Variants in MAP1S observed in about 807,000 individuals in gnomAD.
MAP1S encodes the protein microtubule-associated protein 1S.
Under a neutral mutation model 60.9 loss-of-function variants are expected in MAP1S, and 27 were observed. That is an observed-to-expected ratio of 0.44 (90% CI 0.33 to 0.61). The LOEUF (loss-of-function observed/expected upper bound fraction) is 0.61, where lower values mean the gene tolerates loss of function less well. Ranked by LOEUF, MAP1S falls within the 20% of genes least tolerant of loss-of-function variation. The pLI is 0.03. For missense variants in MAP1S, 1,608 were observed against 1,486.6 expected (o/e 1.08, Z -1.34); for synonymous variants, 826 against 694.2 (o/e 1.19, Z -2.98).
In MAP1S at chr19:17,727,486, C is replaced by A; in HGVS notation, c.2102C>A (p.Ser701Tyr). ...STEVDESLSV[S>Y]FEQVLPPSAP... The stretch of plus-strand genomic sequence containing the variant: ...GAGGTGGACGAGTCCCTGTCGGTGT[C>A]CTTTGAGCAGGTGCTGCCGCCATCC... The change falls in exon 5 of 7, where the codon TCC becomes TAC. Residue 701 changes from serine (S) to tyrosine (Y), a missense_variant. This residue lies in a region of MAP1S where 1,167 missense variants were observed against 961.4 expected (regional missense o/e 1.21). Coordinates refer to ENST00000324096, the MANE Select transcript of MAP1S (RefSeq NM_018174.6). The surrounding 1 kb of genome is among the most constrained non-coding windows in gnomAD (Gnocchi z 4.1). The A allele has an allele frequency of 6.2e-7, 1 of 1,610,812 alleles. No individual in the cohort carries two copies. Among genetic ancestry groups the A allele is most frequent in the Non-Finnish European group, 8.5e-7 (1 of 1,179,052 alleles).
Position 17,733,307 on chromosome 19 carries a change from TC to T in MAP1S, c.2905del (p.Gln969SerfsTer41). 1 of 1,595,782 alleles carries T rather than the reference TC, an allele frequency of 6.3e-7. No homozygotes were observed. Among genetic ancestry groups the T allele is most frequent in the Non-Finnish European group, 8.5e-7 (1 of 1,172,324 alleles). On this transcript the variant is annotated frameshift_variant, in exon 6 of 7. Transcript: ENST00000324096. LOFTEE classifies it high-confidence loss of function. ...SSAHLVDEEF[F>X]QRVRALCYVI... ...GCCCACCTGGTGGATGAGGAGTTCT[TC>T]CAGCGCGTGCGCGCGCTCTGCTACG... is the stretch of plus-strand genomic sequence containing the variant.
At chr19:17,720,815 C>T (rs1289921437) in intron 1 of MAP1S, 121 bp from the exon 2 acceptor site, 1 of 795,516 alleles carries the variant, frequency 1.3e-6, no homozygotes, top group Non-Finnish European at 2.2e-6. Context: ...TCTGAGTCTC[C>T]AAGCTGTGAG....
intron 2 of MAP1S, among the ~76,000 whole-genome samples, chr19:17,722,336 C>T (rs1036257825): frequency 6.6e-6 from 1 of 152,258 alleles, no homozygotes; most frequent in African/African-American, 2.4e-5. Flanking sequence ...CCTGTAGTCC[C>T]AGCTACTCAG....
Position 17,728,048 on chromosome 19 carries a change from G to A in MAP1S, c.2664G>A (p.Gly888=). The stretch of plus-strand genomic sequence containing the variant: ...CAGTGGCTGCTGCCAAAACCAAGGG[G>A]CTTGCTGGTGGGGACCGTGCCAGCC... The part of the protein sequence containing the change: ...ATPVAAAKTK[G]LAGGDRASRP... Residue 888 remains glycine (G), a synonymous_variant, in exon 5 of 7, where the codon GGG becomes GGA. Transcript: ENST00000324096. The A allele has an allele frequency of 6.2e-7, 1 of 1,612,450 alleles. No homozygotes were observed. The highest frequency in any genetic ancestry group is 8.5e-7 in the Non-Finnish European group (1 of 1,179,744).
intron 2 of MAP1S, among the ~76,000 whole-genome samples, chr19:17,722,025 G>T (rs1048497276): frequency 6.6e-6 from 1 of 152,180 alleles, no homozygotes; most frequent in African/African-American, 2.4e-5. Flanking sequence ...GTTGGTCCTT[G>T]TGGCTTCCTG....
chr19:17,729,438 A>G (rs745853867), intron 5 of MAP1S, among the ~76,000 whole-genome samples: 1 of 152,164 alleles, frequency 6.6e-6, no homozygotes, highest in Non-Finnish European at 1.5e-5. Flanking sequence ...CCAAATTCCC[A>G]GAGACCAGCC....
chr19:17,728,245 T>A, intron 5 of MAP1S, 73 bp downstream of exon 5: 1 of 1,442,288 alleles, frequency 6.9e-7, no homozygotes, highest in Non-Finnish European at 9.3e-7. Context: ...CGTCCCCCTG[T>A]TTTTACATTT....
In MAP1S at chr19:17,733,124, G is replaced by C. The variant is rs543115946; in HGVS notation, c.2789-69G>C. The C allele has an allele frequency of 5.7e-5, 64 of 1,113,634 alleles. No individual in the cohort carries two copies. In the Admixed American group the frequency reaches 1.2e-3, roughly 21 times the overall value. 69.0% of individuals were successfully genotyped at this position (1,113,634 alleles called of 1,614,324 possible). On this transcript the variant is annotated intron_variant, in intron 5 of 6. Coordinates refer to ENST00000324096, the MANE Select transcript of MAP1S (RefSeq NM_018174.6). ...GGAGCTGCTCTGAGTGGTGCAGGTC[G>C]AACTTGGAGCCTCGGCCCCTCCCCA... is the stretch of plus-strand genomic sequence containing the variant.
chr19:17,730,984 G>A (rs955829800), intron 5 of MAP1S, among the ~76,000 whole-genome samples: 28 of 149,922 alleles, frequency 1.9e-4, no homozygotes, highest in African/African-American at 6.4e-4. Context: ...TCCGCCTCCC[G>A]GGTTCAAGCG....
Position 17,727,031 on chromosome 19 carries a change from C to A in MAP1S, c.1647C>A (p.Pro549=). ...REVRRAASSV[P]NLKKTNAQAA... Reference sequence around the variant, plus strand: ...TGCGCCGGGCAGCCTCTTCTGTGCCCAACCTCAAGAAGACGAATGCCCAGG... The same window carrying A: ...TGCGCCGGGCAGCCTCTTCTGTGCCAAACCTCAAGAAGACGAATGCCCAGG... The change falls in exon 5 of 7, where the codon CCC becomes CCA. Residue 549 remains proline, a synonymous_variant. Coordinates refer to ENST00000324096, the MANE Select transcript of MAP1S (RefSeq NM_018174.6). This position sits in a 1 kb window ranked among gnomAD's most constrained non-coding sequence, Gnocchi z 4.1. 1 of 1,603,856 alleles carries A rather than the reference C, an allele frequency of 6.2e-7. No individual in the cohort carries two copies. The highest frequency in any genetic ancestry group is 8.5e-7 in the Non-Finnish European group (1 of 1,176,232).
rs542929354 is a variant in MAP1S at position 17,731,859 on chromosome 19, G to T, written c.2789-1334G>T. Among the ~76,000 whole-genome samples, 15 of 152,264 alleles carry T rather than the reference G, an allele frequency of 9.9e-5. No homozygotes were observed. The East Asian group carries it at 2.3e-3, about 24-fold the overall frequency. On this transcript the variant is annotated intron_variant, in intron 5 of 6. Transcript: ENST00000324096. ...TTTTGTATTTTTAGTAAGAGACAGG[G>T]TTTCGCCATGTTGGCTAGGCTGGTC...
chr19:17,727,756 T>G lies in MAP1S; in HGVS notation c.2372T>G (p.Leu791Arg). 1 of 1,608,584 alleles carries G rather than the reference T, an allele frequency of 6.2e-7. No individual in the cohort carries two copies. The highest frequency in any genetic ancestry group is 1.1e-5 in the South Asian group (1 of 90,540). Residue 791 changes from leucine to arginine, a missense_variant, in exon 5 of 7, where the codon CTG becomes CGG. Leu to Arg is a moderately radical substitution (Grantham distance 102). Transcript: ENST00000324096. The surrounding 1 kb of genome is among the most constrained non-coding windows in gnomAD (Gnocchi z 4.1). ...ETPPTSVSES[L>R]PTLSDSDPVP... ...CCACCCACATCGGTCAGCGAGTCCC[T>G]GCCCACCCTGTCTGACTCGGATCCC...
In MAP1S at chr19:17,726,640, A is replaced by G. The variant is rs933452935; in HGVS notation, c.1256A>G (p.His419Arg). The change falls in exon 5 of 7, where the codon CAC becomes CGC. Residue 419 changes from histidine to arginine, a missense_variant. Physicochemically the swap from His to Arg is conservative, Grantham distance 29. This residue lies in a region of MAP1S where 1,167 missense variants were observed against 961.4 expected (regional missense o/e 1.21). Transcript: ENST00000324096. Reference sequence around the variant, plus strand: ...TCTGTGTGCGCCCTGCTGGTGTGGCACCCCGCCGGCCCCGGCGAGAAGGTG... The same window carrying G: ...TCTGTGTGCGCCCTGCTGGTGTGGCGCCCCGCCGGCCCCGGCGAGAAGGTG... ...LASVCALLVW[H>R]PAGPGEKVVR... The G allele has an allele frequency of 8.9e-6, 14 of 1,567,408 alleles. No individual in the cohort carries two copies. The highest frequency in any genetic ancestry group is 1.2e-5 in the Non-Finnish European group (14 of 1,161,106).
rs748332309 is a variant in MAP1S, at chr19:17,727,239, G to A, written c.1855G>A (p.Gly619Arg). 8.0e-5 allele frequency: 126 copies of A among 1,567,804 alleles called. No individual in the cohort carries two copies. The highest frequency in any genetic ancestry group is 9.8e-5 in the Non-Finnish European group (114 of 1,161,888). ...PSLELGPIPA[G>R]EEKALELPLA... is the part of the protein sequence containing the mutation. ...CCTGGAGCTGGGGCCGATCCCAGCC[G>A]GGGAGGAGAAGGCACTGGAGCTGCC... The change falls in exon 5 of 7, where the codon GGG becomes AGG. Residue 619 changes from glycine (G) to arginine (R), a missense_variant. Transcript: ENST00000324096. This position sits in a 1 kb window ranked among gnomAD's most constrained non-coding sequence, Gnocchi z 4.1.
Position 17,720,592 on chromosome 19 carries a change from G to A in MAP1S, c.119-344G>A, listed in dbSNP as rs115915695. ...AGGGCCCCCTGGCCAGTAGGAACAG[G>A]TGGGGGCGGCAGGGGGATGGACTTC... On this transcript the variant is annotated intron_variant, in intron 1 of 6. Coordinates refer to ENST00000324096, the MANE Select transcript of MAP1S (RefSeq NM_018174.6). 1.6e-3 allele frequency: 2,060 copies of A among 1,313,492 alleles called. 18 individuals are homozygous for A. The African/African-American group carries it at 0.026, about 16-fold the overall frequency. 81.4% of individuals were successfully genotyped at this position (1,313,492 alleles called of 1,614,324 possible).
chr19:17,727,815 G>A lies in MAP1S; in HGVS notation c.2431G>A (p.Glu811Lys), dbSNP rs779076191. ...GGCCCCCGGTGCGGCAGACTCAGAC[G>A]AAGACACAGAGGGCTTTGGAGTCCC... ...PLAPGAADSD[E>K]DTEGFGVPRH... Residue 811 changes from glutamate to lysine, a missense_variant, in exon 5 of 7, where the codon GAA becomes AAA. Glu to Lys is a moderately conservative substitution (Grantham distance 56, BLOSUM62 1). This residue lies in a region of MAP1S where 1,167 missense variants were observed against 961.4 expected (regional missense o/e 1.21). Coordinates refer to ENST00000324096, the MANE Select transcript of MAP1S (RefSeq NM_018174.6). This position sits in a 1 kb window ranked among gnomAD's most constrained non-coding sequence, Gnocchi z 4.1. 1.9e-6 allele frequency: 3 copies of A among 1,613,234 alleles called. No individual in the cohort carries two copies. The highest frequency in any genetic ancestry group is 1.1e-5 in the South Asian group (1 of 90,990).
At chr19:17,721,963 C>T (rs1332034879) in intron 2 of MAP1S, among the ~76,000 whole-genome samples, 1 of 152,154 alleles carries the variant, frequency 6.6e-6, no homozygotes, top group Non-Finnish European at 1.5e-5. Context: ...TCTTGAGTCA[C>T]CTCCCGGCTG....
intron 2 of MAP1S, chr19:17,721,402 C>T (rs923038472): frequency 1.5e-5 from 5 of 343,958 alleles, no homozygotes; most frequent in Non-Finnish European, 2.8e-5. Flanking sequence ...ATGAACCGGG[C>T]GCGGTGGCTT....
chr19:17,720,572 C>T (rs1183786736), intron 1 of MAP1S: 1 of 1,410,394 alleles, frequency 7.1e-7, no homozygotes, highest in Non-Finnish European at 9.3e-7. Flanking sequence ...GGGGAAGGGC[C>T]CCCTGGCCAG....
Sources: allele counts gnomAD v4.1 joint callset (sites outside exome capture counted in the v4.1 genomes callset), GRCh38; gene constraint gnomAD v4.1.1; regional missense constraint gnomAD v4.1.1; non-coding constraint Gnocchi (gnomAD v3.1); transcripts MANE v1.5; gene names NCBI Gene and HGNC (gene_info 2026-07-23, HGNC 2026-07-21).